Variants in PINX1 observed in about 807,000 individuals in gnomAD.
PINX1 encodes PIN2 (TERF1) interacting telomerase inhibitor 1, also known as PIN2/TERF1-interacting telomerase inhibitor 1.
Under a neutral mutation model 25.4 loss-of-function variants are expected in PINX1, and 34 were observed. That is an observed-to-expected ratio of 1.34 (90% confidence interval 1.02 to 1.78). The LOEUF is 1.78. Among genes scored for constraint, PINX1 ranks in the 40% most tolerant of loss-of-function variants. The probability of loss-of-function intolerance (pLI) is 0.00; values close to 1 mark genes in which losing one functional copy is unlikely to be tolerated. For missense variants in PINX1, 592 were observed against 404.9 expected (o/e 1.46, Z -3.97); for synonymous variants, 197 against 147.7 (o/e 1.33, Z -2.42).
chr8:10,782,785 AT>A (rs35055625), intron 6 of PINX1, among the ~76,000 whole-genome samples: 30,806 of 152,104 alleles, frequency 0.2, 4,504 homozygotes, highest in African/African-American at 0.41. Context: ...GAAATGGAAA[AT>A]TTGATCACCA....
At chr8:10,805,409 C>A (rs1382122080) in intron 6 of PINX1, among the ~76,000 whole-genome samples, 2 of 148,540 alleles carry the variant, frequency 1.3e-5, no homozygotes, top group African/African-American at 5.0e-5. Flanking sequence ...CCAGAGTACT[C>A]GAAGATTGAT....
chr8:10,784,834 C>T (rs185649402), intron 6 of PINX1, among the ~76,000 whole-genome samples: 2 of 152,246 alleles, frequency 1.3e-5, no homozygotes, highest in Non-Finnish European at 1.5e-5. Context: ...CTTTTTGATG[C>T]AGAAAAGATA....
chr8:10,788,191 C>A (rs956133986), intron 6 of PINX1, among the ~76,000 whole-genome samples: 1 of 152,150 alleles, frequency 6.6e-6, no homozygotes, highest in Admixed American at 6.5e-5. Flanking sequence ...AAGCTGGGTA[C>A]TGGGCACAGA....
intron 6 of PINX1, among the ~76,000 whole-genome samples, chr8:10,791,867 C>T (rs773656819): frequency 2.0e-5 from 3 of 152,212 alleles, no homozygotes; most frequent in Non-Finnish European, 2.9e-5. Context: ...AGCGGGGAGA[C>T]ATCCTGCCCT....
chr8:10,772,105 G>A (rs1356099497), intron 6 of PINX1, among the ~76,000 whole-genome samples: 5 of 152,246 alleles, frequency 3.3e-5, no homozygotes, highest in African/African-American at 9.6e-5. Context: ...AATGCCAGTA[G>A]AGACTGAACT....
chr8:10,792,559 G>T (rs1801958077), intron 6 of PINX1, among the ~76,000 whole-genome samples: 1 of 152,070 alleles, frequency 6.6e-6, no homozygotes, highest in East Asian at 1.9e-4. Context: ...GAGTGGTTCT[G>T]GGAGAAACAG....
intron 6 of PINX1, among the ~76,000 whole-genome samples, chr8:10,784,495 G>C (rs1801687817): frequency 6.6e-6 from 1 of 152,146 alleles, no homozygotes; most frequent in African/African-American, 2.4e-5. Context: ...TCCTATAAAA[G>C]CTATGTTCCT....
At chr8:10,798,788 A>T (rs990049668) in intron 6 of PINX1, among the ~76,000 whole-genome samples, 3 of 152,198 alleles carry the variant, frequency 2.0e-5, no homozygotes, top group African/African-American at 7.2e-5. Context: ...ATTACCTGGG[A>T]GCTTGTTAAG....
At chr8:10,777,547 G>T (rs1338183215) in intron 6 of PINX1, among the ~76,000 whole-genome samples, 2 of 152,224 alleles carry the variant, frequency 1.3e-5, no homozygotes, top group African/African-American at 2.4e-5. Context: ...TTGAAGGGGG[G>T]TTGGGTGTGC....
chr8:10,838,594 G>C (rs1798476338), intron 1 of PINX1, among the ~76,000 whole-genome samples: 1 of 152,234 alleles, frequency 6.6e-6, no homozygotes, highest in Non-Finnish European at 1.5e-5. Flanking sequence ...CCAAGTGCAT[G>C]CTGAATTAAG....
chr8:10,819,574 T>C (rs2129085521), intron 6 of PINX1, among the ~76,000 whole-genome samples: 1 of 152,368 alleles, frequency 6.6e-6, no homozygotes, highest in East Asian at 1.9e-4. Context: ...CAAAAAATTC[T>C]TTGCAATATT....
In PINX1 at chr8:10,793,188, C is replaced by G. The variant is rs1257892898; in HGVS notation, c.471+27005G>C. 2.6e-5 allele frequency among the ~76,000 whole-genome samples: 4 copies of G among 152,204 alleles called. 1 individual carries two copies. Among genetic ancestry groups the G allele is most frequent in the African/African-American group, 9.7e-5 (4 of 41,448 alleles). Reference sequence around the variant, plus strand: ...GCTTGAAGAGCTCCTGCCCCCAAGTCTGTAACTCCTAGTGTCTGCATCCTC... The same window carrying G: ...GCTTGAAGAGCTCCTGCCCCCAAGTGTGTAACTCCTAGTGTCTGCATCCTC... On this transcript the variant is annotated intron_variant, in intron 6 of 6. Coordinates refer to ENST00000314787, the MANE Select transcript of PINX1 (RefSeq NM_017884.6).
chr8:10,787,840 G>C (rs1171627279), intron 6 of PINX1: 4 of 456,024 alleles, frequency 8.8e-6, no homozygotes, highest in Non-Finnish European at 1.8e-5. Context: ...AAAGAAAAAA[G>C]AGAGAAGGAA....
intron 6 of PINX1, among the ~76,000 whole-genome samples, chr8:10,812,215 C>T (rs1222238142): frequency 1.3e-5 from 2 of 152,188 alleles, no homozygotes; most frequent in Non-Finnish European, 1.5e-5. Context: ...CATTCATCTA[C>T]TGAATAAAGC....
At chr8:10,810,932 TTAAA>T (rs1219300291) in intron 6 of PINX1, among the ~76,000 whole-genome samples, 1 of 152,248 alleles carries the variant, frequency 6.6e-6, no homozygotes, top group African/African-American at 2.4e-5. Context: ...TAGGTTTATA[TTAAA>T]TATTGTGACT....
chr8:10,765,690 T>C lies in PINX1; in HGVS notation c.698A>G (p.Lys233Arg), dbSNP rs753215793. The C allele has an allele frequency of 1.2e-6, 2 of 1,614,040 alleles. No homozygotes were observed. The highest frequency in any genetic ancestry group is 1.7e-6 in the Non-Finnish European group (2 of 1,179,888). ...CTCGGGCTTTCCCTCCGTGTGCCTC[T>C]TGGCCTTAGGCTGGAGGTAACTTTC... ...DVESYLQPKA[K>R]RHTEGKPERA... Residue 233 changes from lysine (K) to arginine (R), a missense_variant, in exon 7 of 7, where the codon AAG becomes AGG. Transcript: ENST00000314787.
rs775847952 is a variant in PINX1, at chr8:10,765,529, G to C, written c.859C>G (p.Arg287Gly). ...TTTTTGGGCTTCAGGGTGAAGTCCC[G>C]GCCCTCAGGCGGCTGCACATGGTCC... ...AGDHVQPPEG[R>G]DFTLKPKKRR... Residue 287 changes from arginine to glycine, a missense_variant, in exon 7 of 7, where the codon CGG becomes GGG. Transcript: ENST00000314787. The C allele has an allele frequency of 3.7e-6, 6 of 1,613,454 alleles. No individual in the cohort carries two copies. The highest frequency in any genetic ancestry group is 4.2e-6 in the Non-Finnish European group (5 of 1,179,856).
At chr8:10,788,140 A>T (rs1057259900) in intron 6 of PINX1, among the ~76,000 whole-genome samples, 1 of 152,166 alleles carries the variant, frequency 6.6e-6, no homozygotes, top group Non-Finnish European at 1.5e-5. Flanking sequence ...GAGGGGTGGG[A>T]GTACAGCTGG....
At chr8:10,797,771 G>C (rs1473072644) in intron 6 of PINX1, among the ~76,000 whole-genome samples, 2 of 152,172 alleles carry the variant, frequency 1.3e-5, no homozygotes, top group African/African-American at 4.8e-5. Context: ...CAGTCACAGA[G>C]ATGTATTAAC....
Sources: allele counts gnomAD v4.1 joint callset (sites outside exome capture counted in the v4.1 genomes callset), GRCh38; gene constraint gnomAD v4.1.1; transcripts MANE v1.5; gene names NCBI Gene and HGNC (gene_info 2026-07-23, HGNC 2026-07-21).